The following ATAD3B variants were observed in gnomAD, a reference collection of about 807,000 sequenced individuals.
ATAD3B encodes the protein ATPase family AAA domain containing 3B.
A neutral mutation model predicts 70.2 loss-of-function variants in ATAD3B; 59 were observed. That is an observed-to-expected ratio of 0.84 (90% CI 0.68 to 1.04). The LOEUF (loss-of-function observed/expected upper bound fraction) is 1.04. Ranked by LOEUF, ATAD3B falls within the 50% of genes least tolerant of loss-of-function variation. The pLI is 0.00. For missense variants in ATAD3B, 961 were observed against 913.4 expected, an observed-to-expected ratio of 1.05 and a Z score of -0.67; for synonymous variants, 423 against 388.6, an observed-to-expected ratio of 1.09 and a Z score of -1.04.
chr1:1,479,933 C>CA (rs1335804590), intron 4 of ATAD3B, among the ~76,000 whole-genome samples: 1 of 145,652 alleles, frequency 6.9e-6, no homozygotes, highest in Non-Finnish European at 1.5e-5. Context: ...CGGACATGCA[C>CA]AAACACCCAC....
Position 1,489,328 on chromosome 1 carries a change from C to G in ATAD3B, c.1337+54C>G, listed in dbSNP as rs1438664986. 7 of 1,610,860 alleles carry G rather than the reference C, an allele frequency of 4.3e-6. No homozygotes were observed. In the South Asian group the frequency reaches 6.6e-5, roughly 15 times the overall value. On this transcript the variant is annotated intron_variant, in intron 13 of 15. Transcript: ENST00000673477. ...CCGGGCAGGGCTGTGCAGCCGTCGC[C>G]CTTGGTTCCCACTGAGGGTCCCTGG...
At chr1:1,505,800 G>C in the ATAD3B span, among the ~76,000 whole-genome samples, 3 of 152,194 alleles carry the variant, frequency 2.0e-5, no homozygotes, top group Non-Finnish European at 2.9e-5. Context: ...TTGGAATAAA[G>C]AGCAATTGCT....
rs543613252 is a variant in ATAD3B, at chr1:1,486,618, C to G, written c.1164C>G (p.Gly388=). ...GGDVAPMGRE[G]VTAMHKLFDW... ...ACGTGGCCCCCATGGGGCGGGAAGGCGTGACCGCCATGCACAAGCTCTTTG... is the reference window on the plus strand; with the variant it reads ...ACGTGGCCCCCATGGGGCGGGAAGGGGTGACCGCCATGCACAAGCTCTTTG... Residue 388 remains glycine (G), a synonymous_variant, in exon 11 of 16, where the codon GGC becomes GGG. Transcript: ENST00000673477. 1.1e-5 allele frequency: 17 copies of G among 1,610,896 alleles called. No individual in the cohort carries two copies. In the African/African-American group the frequency reaches 2.3e-4, roughly 22 times the overall value.
At chr1:1,493,337 A>G (rs1029701232) in intron 15 of ATAD3B, among the ~76,000 whole-genome samples, 2 of 151,956 alleles carry the variant, frequency 1.3e-5, no homozygotes, top group Non-Finnish European at 2.9e-5. Context: ...GGAAGCTTTC[A>G]GTTTTTCACC....
At chr1:1,501,513 C>A (rs1383538956), downstream of ATAD3B, among the ~76,000 whole-genome samples, 1 of 152,158 alleles carries the variant, frequency 6.6e-6, no homozygotes, top group East Asian at 1.9e-4. Context: ...CCTCGGCCTC[C>A]CAAAGTGCTG....
chr1:1,483,071 G>C (rs1402552188), intron 7 of ATAD3B: 2 of 454,790 alleles, frequency 4.4e-6, no homozygotes, highest in Admixed American at 4.7e-5. Context: ...GAGGTGGGCG[G>C]ATCACGAGGT....
intron 1 of ATAD3B, among the ~76,000 whole-genome samples, chr1:1,475,568 G>C (rs548090991): frequency 6.6e-6 from 1 of 151,886 alleles, no homozygotes; most frequent in African/African-American, 2.4e-5. Context: ...ATGCCGCCTC[G>C]TTCCCAGAGT....
intron 1 of ATAD3B, among the ~76,000 whole-genome samples, chr1:1,474,277 G>A (rs1153097): frequency 1.0e-4 from 15 of 150,150 alleles, no homozygotes; most frequent in African/African-American, 3.5e-4. Flanking sequence ...TGCAAGCTCC[G>A]CCTCCTGGGT....
rs758415630 is a variant in ATAD3B at position 1,490,579 on chromosome 1, C to G, written c.1522C>G (p.Gln508Glu). ...TEGKRRLKLA[Q>E]FDYGRKCSEV... ...CTTCCCCAGGCGCCTGAAGCTGGCC[C>G]AGTTTGACTACGGGAGGAAGTGCTC... The change falls in exon 15 of 16, where the codon CAG (glutamine) becomes GAG (glutamate). Residue 508 changes from glutamine to glutamate, a missense_variant. Coordinates refer to ENST00000673477, the MANE Select transcript of ATAD3B (RefSeq NM_031921.6). The G allele has an allele frequency of 1.2e-6, 2 of 1,610,964 alleles. No homozygotes were observed. The highest frequency in any genetic ancestry group is 1.7e-6 in the Non-Finnish European group (2 of 1,178,970).
chr1:1,500,643 A>G (rs567742247), downstream of ATAD3B, among the ~76,000 whole-genome samples: 42 of 150,616 alleles, frequency 2.8e-4, no homozygotes, highest in Middle Eastern at 6.9e-3. Context: ...ATAAATGTGT[A>G]TATATATATA....
chr1:1,506,471 A>C, the ATAD3B span, among the ~76,000 whole-genome samples: 1 of 150,146 alleles, frequency 6.7e-6, no homozygotes, highest in Non-Finnish European at 1.5e-5. Flanking sequence ...GTCGTCGGCC[A>C]GGATGGTCCC....
intron 10 of ATAD3B, 79 bp downstream of exon 10, chr1:1,486,314 G>T: frequency 6.2e-7 from 1 of 1,606,442 alleles, no homozygotes. Context: ...GGCCTCAGCC[G>T]CCTGGGGAAT....
At chr1:1,500,541 G>C (rs774295962), downstream of ATAD3B, among the ~76,000 whole-genome samples, 2 of 143,638 alleles carry the variant, frequency 1.4e-5, no homozygotes, top group African/African-American at 5.2e-5. Flanking sequence ...GGGACAGAGC[G>C]AGACTCCGTC....
At position 1,482,450 on chromosome 1, in the gene ATAD3B, C is replaced by T. The variant is rs1639968613; in HGVS notation, c.681-95C>T. The T allele has an allele frequency of 8.7e-6, 14 of 1,604,784 alleles. 1 individual carries two copies. Among genetic ancestry groups the T allele is most frequent in the African/African-American group, 2.7e-5 (2 of 74,514 alleles). ...CACTGCCCCTCTGTCCTGGCAAGGC[C>T]GTGCCGCCATGTCAGGGCCTCACCC... On this transcript the variant is annotated intron_variant, in intron 6 of 15. Coordinates refer to ENST00000673477, the MANE Select transcript of ATAD3B (RefSeq NM_031921.6).
At chr1:1,475,195 G>C (rs887702913) in intron 1 of ATAD3B, among the ~76,000 whole-genome samples, 1 of 149,966 alleles carries the variant, frequency 6.7e-6, no homozygotes, top group African/African-American at 2.5e-5. Flanking sequence ...CGGGGCCCGG[G>C]GCAGGGTCTC....
At chr1:1,487,792 C>A (rs1037482174) in intron 11 of ATAD3B, 71 bp from the exon 12 acceptor site, 6 of 1,576,818 alleles carry the variant, frequency 3.8e-6, no homozygotes, top group Non-Finnish European at 5.2e-6. Flanking sequence ...CTGCTCCTGC[C>A]GCGGCCGGAC....
At chr1:1,482,934 T>C in intron 7 of ATAD3B, 1 of 499,434 alleles carries the variant, frequency 2.0e-6, no homozygotes, top group South Asian at 1.6e-5. Context: ...CCAGGAGGTT[T>C]GGGCTGCAGT....
At chr1:1,490,817 T>C in intron 15 of ATAD3B, 146 bp downstream of exon 15, 1 of 1,464,150 alleles carries the variant, frequency 6.8e-7, no homozygotes, top group South Asian at 1.4e-5. Context: ...CAGGGCCCCC[T>C]GCCTCAGTCG....
At chr1:1,489,805 G>A in intron 13 of ATAD3B, 1 of 1,276,286 alleles carries the variant, frequency 7.8e-7, no homozygotes, top group Non-Finnish European at 1.0e-6. Context: ...CTGGAGCCCT[G>A]ACTCAGGTCC....
Sources: allele counts gnomAD v4.1 joint callset (sites outside exome capture counted in the v4.1 genomes callset), GRCh38; gene constraint gnomAD v4.1.1; transcripts MANE v1.5; gene names NCBI Gene and HGNC (gene_info 2026-07-23, HGNC 2026-07-21).